The following ALK variants were observed in gnomAD, a reference collection of about 807,000 sequenced individuals.
ALK encodes the protein ALK receptor tyrosine kinase, also known as ALK tyrosine kinase receptor.
A neutral mutation model predicts 163.1 loss-of-function variants in ALK; 74 were observed. That is an observed-to-expected ratio of 0.45 (90% CI 0.38 to 0.55). The LOEUF (loss-of-function observed/expected upper bound fraction) is 0.55. Among genes scored for constraint, ALK ranks in the 20% least tolerant of loss-of-function variants. The pLI is 0.00. For missense variants in ALK, 2,063 were observed against 2,105.3 expected, an observed-to-expected ratio of 0.98 and a Z score of 0.39; for synonymous variants, 960 against 843.2, an observed-to-expected ratio of 1.14 and a Z score of -2.40.
At chr2:29,564,132 G>A (rs556446318) in intron 3 of ALK, among the ~76,000 whole-genome samples, 1 of 152,262 alleles carries the variant, frequency 6.6e-6, no homozygotes, top group South Asian at 2.1e-4. Context: ...CCAACACCTT[G>A]TCTCTTGACT....
Position 29,209,962 on chromosome 2 carries a change from G to C in ALK, c.3744-84C>G, listed in dbSNP as rs1018565059. 51 of 1,103,340 alleles carry C rather than the reference G, an allele frequency of 4.6e-5. 1 individual carries two copies. The South Asian group carries it at 6.5e-4, about 14-fold the overall frequency. The allele number at this position is 1,103,340 out of a possible 1,614,324, so 68.3% of individuals were successfully genotyped here. A position where few individuals can be genotyped will look rare whatever the true frequency, so the allele number is the denominator to read the frequency against. On this transcript the variant is annotated intron_variant, in intron 24 of 28. Coordinates refer to ENST00000389048, the MANE Select transcript of ALK (RefSeq NM_004304.5). ...GCCATCACTAGGATTTTATCTCCAAGCTGAAGTTTAAATAGTTCCTTCCCT... is the reference window on the plus strand; with the variant it reads ...GCCATCACTAGGATTTTATCTCCAACCTGAAGTTTAAATAGTTCCTTCCCT...
chr2:29,691,981 C>CA (rs974346896), intron 3 of ALK, among the ~76,000 whole-genome samples: 7 of 151,896 alleles, frequency 4.6e-5, no homozygotes, highest in African/African-American at 1.7e-4. Context: ...CTGTAACGAC[C>CA]AAAAAAAATG....
In ALK at chr2:29,778,225, G is replaced by A. The variant is rs373524890; in HGVS notation, c.668-60528C>T. On this transcript the variant is annotated intron_variant, in intron 1 of 28. Coordinates refer to ENST00000389048, the MANE Select transcript of ALK (RefSeq NM_004304.5). ...ATGCGCTCTGCAGTCCTTGGTGGCA[G>A]GTGGCAGAGTTAATCACCTCTAAGC... Among the ~76,000 whole-genome samples, 3 of 152,234 alleles carry A rather than the reference G, an allele frequency of 2.0e-5. No individual in the cohort carries two copies. In the East Asian group the frequency reaches 5.8e-4, roughly 29 times the overall value.
At chr2:29,740,458 A>G (rs77599472) in intron 1 of ALK, among the ~76,000 whole-genome samples, 1,644 of 152,298 alleles carry the variant, frequency 0.011, 33 homozygotes, top group Middle Eastern at 0.037. Flanking sequence ...AGACAGACAG[A>G]AAAACATGGT....
chr2:29,663,864 G>T (rs979568017), intron 3 of ALK, among the ~76,000 whole-genome samples: 1 of 152,064 alleles, frequency 6.6e-6, no homozygotes, highest in Non-Finnish European at 1.5e-5. Flanking sequence ...TCTAGTGTTT[G>T]TCTATATGTC....
intron 11 of ALK, among the ~76,000 whole-genome samples, chr2:29,269,470 T>G (rs573051077): frequency 2.7e-4 from 41 of 152,252 alleles, no homozygotes; most frequent in Middle Eastern, 3.4e-3. Context: ...ATTAGTTCTT[T>G]GCCACCTCTC....
chr2:29,350,729 ATCC>A (rs1668089219), intron 5 of ALK, among the ~76,000 whole-genome samples: 3 of 152,162 alleles, frequency 2.0e-5, no homozygotes, highest in African/African-American at 7.2e-5. Flanking sequence ...TTGTCATTTT[ATCC>A]TCCTACCAAC....
intron 4 of ALK, among the ~76,000 whole-genome samples, chr2:29,415,801 G>C (rs1289930382): frequency 6.6e-6 from 1 of 152,204 alleles, no homozygotes; most frequent in Non-Finnish European, 1.5e-5. Flanking sequence ...AAAACAAAAA[G>C]GTGGAGGAAG....
chr2:29,228,043 C>T (rs922763355), intron 16 of ALK, among the ~76,000 whole-genome samples: 1 of 152,154 alleles, frequency 6.6e-6, no homozygotes, highest in Non-Finnish European at 1.5e-5. Context: ...TGCTCTTCAG[C>T]CCCATTGGGT....
chr2:29,236,654 TCACATGAC>T, intron 13 of ALK, among the ~76,000 whole-genome samples: 1 of 152,122 alleles, frequency 6.6e-6, no homozygotes, highest in Non-Finnish European at 1.5e-5. Flanking sequence ...CGCCCTTTCC[TCACATGAC>T]TTCCAGGACT....
chr2:29,413,091 A>G (rs74619601), intron 4 of ALK, among the ~76,000 whole-genome samples: 12,820 of 152,204 alleles, frequency 0.084, 726 homozygotes, highest in Non-Finnish European at 0.13. Flanking sequence ...TTCCAGGTCA[A>G]TCACTTGATG....
At position 29,255,733 on chromosome 2, in the gene ALK, A is replaced by G. The variant is rs116657637; in HGVS notation, c.2042-4466T>C. 5.0e-3 allele frequency among the ~76,000 whole-genome samples: 765 copies of G among 152,174 alleles called. 3 individuals carry two copies. Among genetic ancestry groups the G allele is most frequent in the Non-Finnish European group, 7.8e-3 (531 of 68,006 alleles). ...CCGGACCCACCTTGTCTTTTTCAGA[A>G]CCTTACTTAATACCAGAGTCTGATT... is the stretch of plus-strand genomic sequence containing the variant. On this transcript the variant is annotated intron_variant, in intron 11 of 28. Transcript: ENST00000389048.
At chr2:29,755,137 C>A (rs1194276741) in intron 1 of ALK, among the ~76,000 whole-genome samples, 1 of 152,164 alleles carries the variant, frequency 6.6e-6, no homozygotes, top group Non-Finnish European at 1.5e-5. Flanking sequence ...AGTGAGGAAC[C>A]CTCTGGGTTT....
At chr2:29,585,284 A>G (rs1674847956) in intron 3 of ALK, among the ~76,000 whole-genome samples, 1 of 152,216 alleles carries the variant, frequency 6.6e-6, no homozygotes, top group Non-Finnish European at 1.5e-5. Context: ...CAAACACCAG[A>G]GAAAGTTATG....
chr2:29,480,048 C>T (rs1015399734), intron 4 of ALK, among the ~76,000 whole-genome samples: 1 of 152,152 alleles, frequency 6.6e-6, no homozygotes, highest in African/African-American at 2.4e-5. Flanking sequence ...TTTAAAAATA[C>T]ATGTGACTTT....
At chr2:29,712,083 A>T (rs1679120312) in intron 2 of ALK, among the ~76,000 whole-genome samples, 2 of 152,182 alleles carry the variant, frequency 1.3e-5, no homozygotes, top group Non-Finnish European at 2.9e-5. Context: ...AGCATTTTAA[A>T]CATGTCTCTC....
intron 3 of ALK, among the ~76,000 whole-genome samples, chr2:29,603,317 C>T (rs531714095): frequency 2.4e-4 from 37 of 152,296 alleles, no homozygotes; most frequent in Admixed American, 5.2e-4. Context: ...ATTTCCCCCA[C>T]AAGAGACAGC....
chr2:29,706,330 T>A (rs1678911221), intron 2 of ALK, among the ~76,000 whole-genome samples: 1 of 152,240 alleles, frequency 6.6e-6, no homozygotes, highest in Non-Finnish European at 1.5e-5. Context: ...GATTATCTCC[T>A]TGGCTCACCA....
At chr2:29,826,956 T>C (rs938123659) in intron 1 of ALK, among the ~76,000 whole-genome samples, 1 of 152,246 alleles carries the variant, frequency 6.6e-6, no homozygotes, top group Admixed American at 6.5e-5. Flanking sequence ...TAGTGCAGCA[T>C]TTCAAAAAGG....
Sources: allele counts gnomAD v4.1 joint callset (sites outside exome capture counted in the v4.1 genomes callset), GRCh38; gene constraint gnomAD v4.1.1; transcripts MANE v1.5; gene names NCBI Gene and HGNC (gene_info 2026-07-23, HGNC 2026-07-21).